Variants in TTC5 observed in about 807,000 individuals in gnomAD.
TTC5 encodes tetratricopeptide repeat domain 5.
In TTC5, 46 loss-of-function variants were observed where a neutral mutation model predicts 57.4. The observed-to-expected ratio is 0.80, with a 90% confidence interval of 0.63 to 1.03. The LOEUF (loss-of-function observed/expected upper bound fraction) is 1.03, where lower values mean the gene tolerates loss of function less well. Ranked by LOEUF, TTC5 falls within the 50% of genes least tolerant of loss-of-function variation. The probability of loss-of-function intolerance (pLI) is 0.00; values close to 1 mark genes in which losing one functional copy is unlikely to be tolerated. For synonymous variants in TTC5, 190 were observed against 203.5 expected (o/e 0.93, Z 0.57); for missense variants, 504 against 528.1 (o/e 0.95, Z 0.45).
chr14:20,286,696 T>G lies in TTC5; in HGVS notation c.*2931A>C, dbSNP rs963100959. On this transcript the variant is annotated 3_prime_UTR_variant, in exon 10 of 10. Coordinates refer to ENST00000258821, the MANE Select transcript of TTC5 (RefSeq NM_138376.3). ...GCATTATCATAAAAGATGGATAAAT[T>G]CAATGACATTGAAATTAAGAACTTC... 1 of 151,630 alleles carries G rather than the reference T, an allele frequency of 6.6e-6. No individual in the cohort carries two copies. Among genetic ancestry groups the G allele is most frequent in the African/African-American group, 2.4e-5 (1 of 41,264 alleles). 9.4% of individuals were successfully genotyped at this position (151,630 alleles called of 1,614,324 possible).
At chr14:20,301,603 G>T (rs908700406) in intron 2 of TTC5, among the ~76,000 whole-genome samples, 5 of 152,240 alleles carry the variant, frequency 3.3e-5, no homozygotes, top group African/African-American at 1.2e-4. Context: ...TCAGATTACT[G>T]CAATAGTTCA....
chr14:20,293,625 T>C (rs1324202342), intron 8 of TTC5: 5 of 152,210 alleles, frequency 3.3e-5, no homozygotes, highest in African/African-American at 1.2e-4. Flanking sequence ...GGCAGCACTG[T>C]GGAACACTGG....
chr14:20,296,339 T>C (rs543300301), intron 6 of TTC5, 51 bp downstream of exon 6: 8 of 1,370,392 alleles, frequency 5.8e-6, no homozygotes, highest in African/African-American at 1.4e-5. Flanking sequence ...AGCTAAGACA[T>C]AGGTGTCTTA....
At position 20,287,128 on chromosome 14, in the gene TTC5, C is replaced by A. The variant is rs1057605; in HGVS notation, c.*2499G>T. 0.44 allele frequency: 66,614 copies of A among 151,992 alleles called. 14,737 individuals carry two copies. Among genetic ancestry groups the A allele is most frequent in the East Asian group, 0.49 (2,537 of 5,158 alleles). The allele number at this position is 151,992 out of a possible 1,614,324, so 9.4% of individuals were successfully genotyped here. The stretch of plus-strand genomic sequence containing the variant: ...GTATATACTCTATGATCCAGCAATT[C>A]CATTCTATGTCAATACTCTTAAACA... On this transcript the variant is annotated 3_prime_UTR_variant, in exon 10 of 10. Transcript: ENST00000258821.
chr14:20,289,337 T>C lies in TTC5; in HGVS notation c.*290A>G, dbSNP rs2138802297. 8.1e-6 allele frequency: 2 copies of C among 248,082 alleles called. No individual in the cohort carries two copies. The highest frequency in any genetic ancestry group is 1.6e-5 in the Non-Finnish European group (2 of 128,596). 15.4% of individuals were successfully genotyped at this position (248,082 alleles called of 1,614,324 possible). A position where few individuals can be genotyped will look rare whatever the true frequency, so the allele number is the denominator to read the frequency against. On this transcript the variant is annotated 3_prime_UTR_variant, in exon 10 of 10. Coordinates refer to ENST00000258821, the MANE Select transcript of TTC5 (RefSeq NM_138376.3). ...CAGGAACCTTGGGGACTCTGTCCCATGGCAAGATCCCAAGACTTCTACCAA... is the reference window on the plus strand; with the variant it reads ...CAGGAACCTTGGGGACTCTGTCCCACGGCAAGATCCCAAGACTTCTACCAA...
chr14:20,303,093 G>A (rs543780704), intron 1 of TTC5, among the ~76,000 whole-genome samples: 1 of 151,886 alleles, frequency 6.6e-6, no homozygotes, highest in African/African-American at 2.4e-5. Flanking sequence ...TCGGGAGGCT[G>A]AGGCAGGAGA....
In TTC5 at chr14:20,299,279, A is replaced by C; in HGVS notation, c.547+19T>G. 1 of 1,608,964 alleles carries C rather than the reference A, an allele frequency of 6.2e-7. No individual in the cohort carries two copies. The highest frequency in any genetic ancestry group is 1.1e-5 in the South Asian group (1 of 90,954). On this transcript the variant is annotated intron_variant, in intron 4 of 9. Coordinates refer to ENST00000258821, the MANE Select transcript of TTC5 (RefSeq NM_138376.3). ...CATCTGCTCTAGAAACCTGTTGGAG[A>C]TCTTTTGAGAGCACTCACACCAGGA...
chr14:20,295,074 C>G, intron 8 of TTC5: 1 of 514,978 alleles, frequency 1.9e-6, no homozygotes, highest in East Asian at 3.2e-5. Context: ...ATATAGGAAT[C>G]CACATAGCAC....
intron 6 of TTC5, 85 bp downstream of exon 6, chr14:20,296,305 T>A: frequency 2.8e-6 from 3 of 1,087,884 alleles, no homozygotes; most frequent in Admixed American, 1.7e-5. Flanking sequence ...ATCTTGTCCC[T>A]ATGCAAACTC....
chr14:20,294,477 A>G (rs1394307168), intron 8 of TTC5: 1 of 152,240 alleles, frequency 6.6e-6, no homozygotes, highest in African/African-American at 2.4e-5. Context: ...GCTTGGGCAT[A>G]TAATGGGAAT....
chr14:20,305,562 C>T, intron 1 of TTC5: 1 of 366,400 alleles, frequency 2.7e-6, no homozygotes, highest in South Asian at 4.8e-5. Flanking sequence ...GTAGTTCATG[C>T]AGATCTGCCA....
chr14:20,305,767 C>T, intron 1 of TTC5, 120 bp downstream of exon 1: 2 of 1,081,444 alleles, frequency 1.8e-6, no homozygotes, highest in Non-Finnish European at 1.4e-6. Flanking sequence ...GTTATAGTAA[C>T]CACACAGACG....
chr14:20,303,410 T>G (rs1171181476), intron 1 of TTC5, among the ~76,000 whole-genome samples: 6 of 152,202 alleles, frequency 3.9e-5, no homozygotes. Context: ...CTTCGAGTCC[T>G]AAGCATTTCA....
Position 20,299,454 on chromosome 14 carries a change from A to G in TTC5, c.397-6T>C. On this transcript the variant is annotated splice_region_variant and splice_polypyrimidine_tract_variant and intron_variant, in intron 3 of 9. Transcript: ENST00000258821. ...AAGGAGACTTTGTTCCTGCACTGCA[A>G]ATAGGAAGGGCACATACTCAATCTT... is the stretch of plus-strand genomic sequence containing the variant. The G allele has an allele frequency of 6.2e-7, 1 of 1,613,532 alleles. No individual in the cohort carries two copies. Among genetic ancestry groups the G allele is most frequent in the Non-Finnish European group, 8.5e-7 (1 of 1,179,952 alleles).
intron 2 of TTC5, among the ~76,000 whole-genome samples, 157 bp from the exon 3 acceptor site, chr14:20,300,975 T>C (rs1287310533): frequency 1.3e-5 from 2 of 152,190 alleles, no homozygotes; most frequent in African/African-American, 4.8e-5. Flanking sequence ...ATAGGCAGAG[T>C]GTATGTTAGC....
Position 20,300,680 on chromosome 14 carries a change from T to A in TTC5, c.323A>T (p.Gln108Leu), listed in dbSNP as rs187012247. Reference protein sequence around the residue: ...LEPELVEAWNQLGEVYWKKGD... With the variant: ...LEPELVEAWNLLGEVYWKKGD... Reference sequence around the variant, plus strand: ...TTTTTTCCAGTACACCTCACCCAGCTGGTTCCAGGCTTCCACCAGCTCGGG... The same window carrying A: ...TTTTTTCCAGTACACCTCACCCAGCAGGTTCCAGGCTTCCACCAGCTCGGG... The change falls in exon 3 of 10, where the codon CAG becomes CTG. Residue 108 changes from glutamine to leucine, a missense_variant. Gln to Leu is a moderately radical substitution (Grantham distance 113). Transcript: ENST00000258821. 26 of 1,614,170 alleles carry A rather than the reference T, an allele frequency of 1.6e-5. No individual in the cohort carries two copies. The East Asian group carries it at 5.8e-4, about 36-fold the overall frequency.
intron 1 of TTC5, among the ~76,000 whole-genome samples, chr14:20,305,067 TCA>T (rs1186342195): frequency 2.0e-5 from 3 of 152,196 alleles, no homozygotes; most frequent in South Asian, 4.1e-4. Flanking sequence ...TTTCAGCCAG[TCA>T]CAGTTAGGGA....
At position 20,289,493 on chromosome 14, in the gene TTC5, T is replaced by C; in HGVS notation, c.*134A>G. ...GAGAGAGAAGAGATACGAAGTGTAA[T>C]ACAGGCAGGGAAAGAGAAAGTCTTC... On this transcript the variant is annotated 3_prime_UTR_variant, in exon 10 of 10. Transcript: ENST00000258821. The C allele has an allele frequency of 9.0e-7, 1 of 1,111,306 alleles. No homozygotes were observed. The highest frequency in any genetic ancestry group is 1.3e-6 in the Non-Finnish European group (1 of 799,610). 68.8% of individuals were successfully genotyped at this position (1,111,306 alleles called of 1,614,324 possible). A position where few individuals can be genotyped will look rare whatever the true frequency, so the allele number is the denominator to read the frequency against.
chr14:20,296,505 C>T, intron 5 of TTC5, 59 bp from the exon 6 acceptor site: 1 of 1,293,370 alleles, frequency 7.7e-7, no homozygotes, highest in Non-Finnish European at 1.1e-6. Context: ...GACTGACATG[C>T]CCAACATGTC....
Sources: allele counts gnomAD v4.1 joint callset (sites outside exome capture counted in the v4.1 genomes callset), GRCh38; gene constraint gnomAD v4.1.1; transcripts MANE v1.5; gene names NCBI Gene and HGNC (gene_info 2026-07-23, HGNC 2026-07-21).